The following OLFML2A variants were observed in gnomAD, a reference collection of about 807,000 sequenced individuals.
The protein encoded by OLFML2A is olfactomedin-like protein 2A.
A neutral mutation model predicts 60.9 loss-of-function variants in OLFML2A; 47 were observed. That is an observed-to-expected ratio of 0.77 (90% CI 0.61 to 0.98). The LOEUF is 0.98. Among genes scored for constraint, OLFML2A ranks in the 50% least tolerant of loss-of-function variants. OLFML2A has a pLI of 0.00. For synonymous variants in OLFML2A, 372 were observed against 375.0 expected (o/e 0.99, Z 0.09); for missense variants, 922 against 879.8 (o/e 1.05, Z -0.61).
intron 4 of OLFML2A, chr9:124,800,728 G>T: frequency 2.5e-6 from 2 of 796,260 alleles, no homozygotes; most frequent in Non-Finnish European, 3.4e-6. Context: ...GGTGCAGAAG[G>T]CACCCAGCTA....
chr9:124,796,754 G>A (rs1025303378), intron 3 of OLFML2A, among the ~76,000 whole-genome samples: 1 of 152,138 alleles, frequency 6.6e-6, no homozygotes, highest in Non-Finnish European at 1.5e-5. Flanking sequence ...CTCAACCAGG[G>A]GTGACTTTGC....
In OLFML2A at chr9:124,787,094, C is replaced by T. The variant is rs374385880; in HGVS notation, c.210C>T (p.Arg70=). The T allele has an allele frequency of 3.1e-6, 5 of 1,614,148 alleles. No individual in the cohort carries two copies. The highest frequency in any genetic ancestry group is 4.2e-6 in the Non-Finnish European group (5 of 1,180,044). ...ACSRVRSGRA[R]VEDFYTVETV... is the part of the protein sequence containing the mutation. ...GCCGAGTGCGCAGTGGGCGGGCACG[C>T]GTGGAGGACTTCTACACGGTGGAGA... The change falls in exon 2 of 8, where the codon CGC becomes CGT. Residue 70 remains arginine, a synonymous_variant. Transcript: ENST00000373580.
intron 5 of OLFML2A, 96 bp downstream of exon 5, chr9:124,801,759 G>A: frequency 7.5e-7 from 1 of 1,330,116 alleles, no homozygotes. Context: ...CCCAGATTCA[G>A]TTCCACCCAT....
intron 5 of OLFML2A, among the ~76,000 whole-genome samples, chr9:124,803,152 A>G (rs1347740098): frequency 6.6e-6 from 1 of 152,042 alleles, no homozygotes; most frequent in African/African-American, 2.4e-5. Context: ...CAGGTGATCC[A>G]TCCACTTTGG....
intron 1 of OLFML2A, among the ~76,000 whole-genome samples, chr9:124,784,943 G>GTTGTTTTTTTTTTTTTTTTTTT (rs1841429446): frequency 2.9e-5 from 2 of 69,542 alleles, no homozygotes; most frequent in African/African-American, 1.3e-4. Flanking sequence ...CCTTTTACTT[G>GTTGTTTTTTTTTTTTTTTTTTT]TTTTTTTTTT....
chr9:124,802,712 A>T (rs1219379545), intron 5 of OLFML2A, among the ~76,000 whole-genome samples: 4 of 152,030 alleles, frequency 2.6e-5, no homozygotes, highest in Non-Finnish European at 4.4e-5. Flanking sequence ...CAGGGGGATG[A>T]CCCCCTTCCC....
At chr9:124,805,719 C>T (rs971567056) in intron 6 of OLFML2A, among the ~76,000 whole-genome samples, 4 of 151,284 alleles carry the variant, frequency 2.6e-5, no homozygotes, top group African/African-American at 7.3e-5. Flanking sequence ...CACTAAAGAA[C>T]TCACCCATGT....
At position 124,779,054 on chromosome 9, in the gene OLFML2A, CCA is replaced by C. The variant is rs1222771113; in HGVS notation, c.90+1696_90+1697del. Reference sequence around the variant, plus strand: ...GATTCAGCTCAGGGCATGAAAGCACCCACGTACAACGCTGCTCATGTACTCCA... The same window carrying C: ...GATTCAGCTCAGGGCATGAAAGCACCCGTACAACGCTGCTCATGTACTCCA... On this transcript the variant is annotated intron_variant, in intron 1 of 7. Coordinates refer to ENST00000373580, the MANE Select transcript of OLFML2A (RefSeq NM_182487.4). This position sits in a 1 kb window ranked among gnomAD's most constrained non-coding sequence, Gnocchi z 4.1. 1 of 525,652 alleles carries C rather than the reference CCA, an allele frequency of 1.9e-6. No homozygotes were observed. Among genetic ancestry groups the C allele is most frequent in the Non-Finnish European group, 2.4e-6 (1 of 410,064 alleles). The allele number at this position is 525,652 out of a possible 1,614,324, so 32.6% of individuals were successfully genotyped here.
At chr9:124,806,810 A>G (rs927644313) in intron 6 of OLFML2A, among the ~76,000 whole-genome samples, 2 of 151,884 alleles carry the variant, frequency 1.3e-5, no homozygotes, top group African/African-American at 2.4e-5. Flanking sequence ...GGGTTTCACC[A>G]CATTGGCCAG....
At chr9:124,787,571 A>ATTTTATTTTATTTTATTTTATTTT (rs1375013953) in intron 2 of OLFML2A, among the ~76,000 whole-genome samples, 1 of 44,184 alleles carries the variant, frequency 2.3e-5, no homozygotes, top group East Asian at 7.5e-4. Context: ...TATTTTATTT[A>ATTTTATTTTATTTTATTTTATTTT]TTTCTTGAAA....
Position 124,802,193 on chromosome 9 carries a change from C to T in OLFML2A, c.919+530C>T, listed in dbSNP as rs1841791109. Among the ~76,000 whole-genome samples the T allele has an allele frequency of 3.3e-5, 5 of 152,316 alleles. No individual in the cohort carries two copies. In the South Asian group the frequency reaches 1.0e-3, roughly 32 times the overall value. On this transcript the variant is annotated intron_variant, in intron 5 of 7. Coordinates refer to ENST00000373580, the MANE Select transcript of OLFML2A (RefSeq NM_182487.4). ...GTATTTTTCCTGCAGCTCTCTGCTGCATCACAGAGAAGGGTGACAAAGTAA... is the reference window on the plus strand; with the variant it reads ...GTATTTTTCCTGCAGCTCTCTGCTGTATCACAGAGAAGGGTGACAAAGTAA...
At chr9:124,801,216 G>A in intron 4 of OLFML2A, 198 bp from the exon 5 acceptor site, 2 of 892,774 alleles carry the variant, frequency 2.2e-6, no homozygotes, top group Non-Finnish European at 3.4e-6. Context: ...CTAAAGAGCT[G>A]GGTGAGGAAA....
intron 7 of OLFML2A, 99 bp from the exon 8 acceptor site, chr9:124,809,709 T>C: frequency 7.2e-7 from 1 of 1,391,252 alleles, no homozygotes; most frequent in Non-Finnish European, 9.8e-7. Flanking sequence ...TTGGTATCAG[T>C]CACTTACTGG....
Position 124,809,832 on chromosome 9 carries a change from T to A in OLFML2A, c.1379T>A (p.Leu460Gln). ...KQGRWSNMYK[L>Q]PYNWIGTGHV... ...GGCCGCTGGAGTAACATGTACAAGC[T>A]ACCCTACAACTGGATCGGCACAGGC... The change falls in exon 8 of 8, where the codon CTA becomes CAA. Residue 460 changes from leucine (L) to glutamine (Q), a missense_variant. Transcript: ENST00000373580. 1.2e-6 allele frequency: 2 copies of A among 1,611,500 alleles called. No individual in the cohort carries two copies. Among genetic ancestry groups the A allele is most frequent in the Non-Finnish European group, 1.7e-6 (2 of 1,178,292 alleles).
chr9:124,798,446 G>A (rs1280984080), intron 3 of OLFML2A, among the ~76,000 whole-genome samples: 3 of 152,144 alleles, frequency 2.0e-5, no homozygotes, highest in African/African-American at 7.2e-5. Context: ...GGTTGTCGCA[G>A]TGAATTGCTT....
rs573995768 is a variant in OLFML2A at position 124,801,124 on chromosome 9, GC to G, written c.670-284del. On this transcript the variant is annotated intron_variant, in intron 4 of 7. Transcript: ENST00000373580. The stretch of plus-strand genomic sequence containing the variant: ...CCCAGGGAGCTGGTCCTTCTAGCCT[GC>G]CCCCCAGGGGGATTGGACAGGAGTT... The G allele has an allele frequency of 1.9e-4, 279 of 1,431,610 alleles. 4 individuals carry two copies. The South Asian group carries it at 3.0e-3, about 15-fold the overall frequency. 88.7% of individuals were successfully genotyped at this position (1,431,610 alleles called of 1,614,324 possible).
At chr9:124,794,826 T>G (rs1259021616) in intron 2 of OLFML2A, among the ~76,000 whole-genome samples, 198 bp from the exon 3 acceptor site, 1 of 152,090 alleles carries the variant, frequency 6.6e-6, no homozygotes, top group African/African-American at 2.4e-5. Context: ...TTCACCATGT[T>G]GGCCAGACTG....
At chr9:124,790,264 C>G (rs1429769172) in intron 2 of OLFML2A, among the ~76,000 whole-genome samples, 2 of 152,078 alleles carry the variant, frequency 1.3e-5, no homozygotes, top group Admixed American at 1.3e-4. Context: ...ACCCGGCTCC[C>G]CCTTTCAAGT....
intron 5 of OLFML2A, among the ~76,000 whole-genome samples, 187 bp from the exon 6 acceptor site, chr9:124,803,907 G>A (rs1331951068): frequency 1.3e-5 from 2 of 152,166 alleles, no homozygotes; most frequent in Non-Finnish European, 2.9e-5. Context: ...TTAGAGCCCT[G>A]GCTGTGAAGT....
Sources: allele counts gnomAD v4.1 joint callset (sites outside exome capture counted in the v4.1 genomes callset), GRCh38; gene constraint gnomAD v4.1.1; non-coding constraint Gnocchi (gnomAD v3.1); transcripts MANE v1.5; gene names NCBI Gene and HGNC (gene_info 2026-07-23, HGNC 2026-07-21).